SIPA1L1: variants seen among roughly 807,000 people sequenced by gnomAD.
The protein encoded by SIPA1L1 is signal induced proliferation associated 1 like 1.
In SIPA1L1, 26 loss-of-function variants were observed where a neutral mutation model predicts 162.7. The observed-to-expected ratio is 0.16, with a 90% CI of 0.12 to 0.22. The LOEUF (loss-of-function observed/expected upper bound fraction) is 0.22. Ranked by LOEUF, SIPA1L1 falls within the 10% of genes least tolerant of loss-of-function variation. The pLI, the probability that SIPA1L1 is intolerant of heterozygous loss-of-function variation, is 1.00. For missense variants in SIPA1L1, 1,874 were observed against 2,241.0 expected, an observed-to-expected ratio of 0.84 and a Z score of 3.31; for synonymous variants, 829 against 837.4, an observed-to-expected ratio of 0.99 and a Z score of 0.17.
In SIPA1L1 at chr14:71,511,372, C is replaced by T. The variant is rs560211351; in HGVS notation, c.-464-1371C>T. 1.4e-4 allele frequency among the ~76,000 whole-genome samples: 21 copies of T among 152,176 alleles called. No homozygotes were observed. The South Asian group carries it at 2.5e-3, about 18-fold the overall frequency. On this transcript the variant is annotated intron_variant, in intron 2 of 23. Coordinates refer to ENST00000381232, the MANE Select transcript of SIPA1L1 (RefSeq NM_001386936.1). ...TGAACACAGCTCACTGCTGCCTCTA[C>T]CTTCTGGACTCAAGCAATTCTCCCA...
chr14:71,413,502 C>T (rs1478022297), intron 2 of SIPA1L1, among the ~76,000 whole-genome samples: 1 of 152,148 alleles, frequency 6.6e-6, no homozygotes, highest in African/African-American at 2.4e-5. Context: ...TTTTGGGAGG[C>T]TGAGGCGGGT....
At chr14:71,650,935 G>GT (rs1193534059) in intron 8 of SIPA1L1, among the ~76,000 whole-genome samples, 4 of 151,740 alleles carry the variant, frequency 2.6e-5, no homozygotes, top group Non-Finnish European at 5.9e-5. Context: ...CTTTGTTTTT[G>GT]TTTTTTTGTA....
chr14:71,396,400 G>A (rs953925853), intron 2 of SIPA1L1, among the ~76,000 whole-genome samples: 48 of 152,220 alleles, frequency 3.2e-4, no homozygotes, highest in African/African-American at 1.2e-3. Context: ...AAATGTGTTA[G>A]TTTCTTTTGC....
intron 2 of SIPA1L1, among the ~76,000 whole-genome samples, chr14:71,395,181 CAG>C (rs2041084304): frequency 6.6e-6 from 1 of 152,212 alleles, no homozygotes. Context: ...GATGTAATAA[CAG>C]AGAAAAATAT....
At chr14:71,385,166 C>G (rs1358558638) in intron 2 of SIPA1L1, among the ~76,000 whole-genome samples, 1 of 152,180 alleles carries the variant, frequency 6.6e-6, no homozygotes, top group Non-Finnish European at 1.5e-5. Context: ...AGCTTTCTCC[C>G]TCAGAAGTTC....
rs1193689514 is a variant in SIPA1L1 at position 71,707,653 on chromosome 14, G to A, written c.3766-1569G>A. On this transcript the variant is annotated intron_variant, in intron 16 of 23. Transcript: ENST00000381232. ...CAGTACTTCATTCCCTTTCATAGCT[G>A]AATAATATTCCATTTTACGGATATA... Among the ~76,000 whole-genome samples, 4 of 152,016 alleles carry A rather than the reference G, an allele frequency of 2.6e-5. No homozygotes were observed. The East Asian group carries it at 7.7e-4, about 29-fold the overall frequency.
chr14:71,391,904 T>G (rs1232609861), intron 2 of SIPA1L1, among the ~76,000 whole-genome samples: 2 of 152,206 alleles, frequency 1.3e-5, no homozygotes, highest in African/African-American at 2.4e-5. Flanking sequence ...ATTGAGCAGA[T>G]TCTTGCAGAG....
intron 2 of SIPA1L1, among the ~76,000 whole-genome samples, chr14:71,393,319 A>G (rs2040915987): frequency 6.6e-6 from 1 of 152,242 alleles, no homozygotes; most frequent in East Asian, 1.9e-4. Context: ...GTAATTGTGT[A>G]AAGAAAGATG....
At chr14:71,548,340 A>G (rs953492882) in intron 4 of SIPA1L1, among the ~76,000 whole-genome samples, 1 of 152,158 alleles carries the variant, frequency 6.6e-6, no homozygotes, top group Non-Finnish European at 1.5e-5. Flanking sequence ...AATTTTTATC[A>G]TTTACAAAAT....
intron 3 of SIPA1L1, among the ~76,000 whole-genome samples, chr14:71,524,300 G>C (rs562517834): frequency 2.8e-4 from 43 of 152,224 alleles, no homozygotes; most frequent in African/African-American, 1.0e-3. Flanking sequence ...TAGTTCTTCT[G>C]CATTCCCTTC....
At chr14:71,519,679 A>T (rs1248797629) in intron 3 of SIPA1L1, among the ~76,000 whole-genome samples, 2 of 152,122 alleles carry the variant, frequency 1.3e-5, no homozygotes, top group African/African-American at 4.8e-5. Flanking sequence ...AATTAAAAAA[A>T]AAAATAGCCA....
intron 17 of SIPA1L1, among the ~76,000 whole-genome samples, chr14:71,719,588 GGTTCAAACA>G (rs2083536279): frequency 2.6e-5 from 4 of 152,162 alleles, no homozygotes; most frequent in Admixed American, 2.6e-4. Context: ...CCACCTCCCA[GGTTCAAACA>G]GTTCTCTGGG....
intron 4 of SIPA1L1, among the ~76,000 whole-genome samples, chr14:71,538,258 A>C (rs1447594950): frequency 1.3e-5 from 2 of 152,044 alleles, no homozygotes; most frequent in East Asian, 3.8e-4. Context: ...CAGCGAGGTG[A>C]TTTCTAACTA....
intron 6 of SIPA1L1, among the ~76,000 whole-genome samples, chr14:71,619,647 C>A (rs1292952498): frequency 6.6e-6 from 1 of 152,048 alleles, no homozygotes; most frequent in Non-Finnish European, 1.5e-5. Context: ...TATTGCCTCT[C>A]AGTTGCTAAT....
chr14:71,655,243 T>C (rs1365893545), intron 8 of SIPA1L1, among the ~76,000 whole-genome samples: 2 of 152,188 alleles, frequency 1.3e-5, no homozygotes, highest in African/African-American at 4.8e-5. Context: ...GTTTCTGCGT[T>C]AATTCACTTA....
intron 4 of SIPA1L1, among the ~76,000 whole-genome samples, chr14:71,535,700 C>T (rs1298857957): frequency 2.0e-5 from 3 of 152,016 alleles, no homozygotes; most frequent in Admixed American, 1.3e-4. Context: ...CAACCTCTGC[C>T]TCCCAGGTTC....
chr14:71,510,862 C>T (rs1289368363), intron 2 of SIPA1L1, among the ~76,000 whole-genome samples: 1 of 152,184 alleles, frequency 6.6e-6, no homozygotes, highest in East Asian at 1.9e-4. Flanking sequence ...CTTGACAGCT[C>T]AGCTCAGGTG....
intron 13 of SIPA1L1, among the ~76,000 whole-genome samples, chr14:71,698,099 G>A (rs142184515): frequency 6.6e-6 from 1 of 152,316 alleles, no homozygotes; most frequent in East Asian, 1.9e-4. Flanking sequence ...CCTGCTACAA[G>A]TAGTCGAGTG....
chr14:71,702,577 T>C (rs1232857786), intron 15 of SIPA1L1, 72 bp downstream of exon 15: 6 of 1,349,888 alleles, frequency 4.4e-6, no homozygotes, highest in Non-Finnish European at 6.2e-6. Context: ...GATGATGTTA[T>C]CAAAACATTG....
Sources: gnomAD v4.1 joint callset for allele counts (sites outside exome capture counted in the v4.1 genomes callset) on GRCh38, gnomAD v4.1.1 for gene constraint, MANE v1.5 for transcripts, NCBI Gene and HGNC (gene_info 2026-07-23, HGNC 2026-07-21) for gene names.